KLHL2: variants seen among roughly 807,000 people sequenced by gnomAD.
KLHL2 encodes the protein kelch-like protein 2.
Under a neutral mutation model 75.8 loss-of-function variants are expected in KLHL2, and 15 were observed. The ratio of observed to expected loss-of-function variants is 0.20; its 90% CI spans 0.13 to 0.30. The LOEUF (loss-of-function observed/expected upper bound fraction) is 0.30, where lower values mean the gene tolerates loss of function less well. KLHL2 is among the 10% of genes least tolerant of loss of function. The pLI is 1.00. For synonymous variants in KLHL2, 214 were observed against 251.9 expected (o/e 0.85, Z 1.42); for missense variants, 381 against 741.0 (o/e 0.51, Z 5.64).
At chr4:165,275,895 C>T (rs1475521057) in intron 5 of KLHL2, among the ~76,000 whole-genome samples, 1 of 151,834 alleles carries the variant, frequency 6.6e-6, no homozygotes, top group Non-Finnish European at 1.5e-5. Flanking sequence ...CTGAGATGGG[C>T]AGATTGCTTG....
chr4:165,282,557 T>C (rs922800531), intron 5 of KLHL2, among the ~76,000 whole-genome samples: 7 of 152,142 alleles, frequency 4.6e-5, no homozygotes, highest in African/African-American at 7.2e-5. Flanking sequence ...GAAAGACTGA[T>C]GCACTAGAGC....
At chr4:165,299,114 CTTA>C (rs985291167) in intron 7 of KLHL2, among the ~76,000 whole-genome samples, 1 of 152,070 alleles carries the variant, frequency 6.6e-6, no homozygotes, top group African/African-American at 2.4e-5. Flanking sequence ...GTATCATTAA[CTTA>C]TTAGTATTGT....
chr4:165,238,419 A>G (rs548265404), intron 3 of KLHL2, among the ~76,000 whole-genome samples: 10 of 152,256 alleles, frequency 6.6e-5, no homozygotes, highest in Admixed American at 6.5e-4. Flanking sequence ...AGGCAGTAAC[A>G]TCGTTACTCT....
chr4:165,229,650 A>G (rs1396822963), intron 3 of KLHL2, among the ~76,000 whole-genome samples: 1 of 152,362 alleles, frequency 6.6e-6, no homozygotes, highest in Admixed American at 6.5e-5. Context: ...CAAGGCATAC[A>G]AAAACAATGT....
chr4:165,252,528 A>G (rs903505252), intron 4 of KLHL2: 18 of 152,226 alleles, frequency 1.2e-4, no homozygotes, highest in African/African-American at 3.9e-4. Flanking sequence ...AATCTGGCTT[A>G]AGTGTATTAT....
intron 10 of KLHL2, 143 bp downstream of exon 10, chr4:165,310,893 C>A (rs532958936): frequency 3.1e-6 from 2 of 647,848 alleles, no homozygotes; most frequent in East Asian, 2.8e-5. Flanking sequence ...CTTGCTCCGT[C>A]GCCCAGGCTG....
intron 5 of KLHL2, among the ~76,000 whole-genome samples, chr4:165,268,117 C>T (rs1742386560): frequency 6.6e-6 from 1 of 152,092 alleles, no homozygotes; most frequent in Admixed American, 6.6e-5. Flanking sequence ...TTATAGTATT[C>T]TCTCATGGTA....
rs557893116 is a variant in KLHL2 at position 165,241,680 on chromosome 4, G to A, written c.381+2781G>A. 5.9e-5 allele frequency among the ~76,000 whole-genome samples: 9 copies of A among 152,306 alleles called. No individual in the cohort carries two copies. The South Asian group carries it at 8.3e-4, about 14-fold the overall frequency. On this transcript the variant is annotated intron_variant, in intron 4 of 14. Coordinates refer to ENST00000226725, the MANE Select transcript of KLHL2 (RefSeq NM_007246.4). ...TGTTTTGATGCAGAATCATTGTGCC[G>A]TAGAATGCTGAGGTCCAGCCATCTG...
At chr4:165,261,697 C>A (rs930278690) in intron 4 of KLHL2, among the ~76,000 whole-genome samples, 1 of 152,158 alleles carries the variant, frequency 6.6e-6, no homozygotes, top group African/African-American at 2.4e-5. Flanking sequence ...TCTATTTTTT[C>A]TTGAGCCTTT....
Position 165,311,803 on chromosome 4 carries a change from TTC to T in KLHL2, c.1339+244_1339+245del, listed in dbSNP as rs538062188. On this transcript the variant is annotated intron_variant, in intron 11 of 14. Coordinates refer to ENST00000226725, the MANE Select transcript of KLHL2 (RefSeq NM_007246.4). Reference sequence around the variant, plus strand: ...TCCCCCTCCCTTTATCCCTCCTCCTTTCTCTCTGTGTGTGTGTGTGTGTGTGT... The same window carrying T: ...TCCCCCTCCCTTTATCCCTCCTCCTTTCTCTGTGTGTGTGTGTGTGTGTGT... Among the ~76,000 whole-genome samples, 972 of 109,954 alleles carry T rather than the reference TTC, an allele frequency of 8.8e-3. 1 individual carries two copies. The highest frequency in any genetic ancestry group is 0.015 in the African/African-American group (373 of 24,704). 72.1% of individuals were successfully genotyped at this position (109,954 alleles called of 152,430 possible).
At chr4:165,279,183 G>A (rs757478619) in intron 5 of KLHL2, 13 of 1,582,550 alleles carry the variant, frequency 8.2e-6, no homozygotes, top group South Asian at 3.3e-5. Context: ...AGGAGCCAGC[G>A]AAGTTTCACT....
chr4:165,215,312 A>G (rs1010855651), intron 1 of KLHL2, among the ~76,000 whole-genome samples: 1 of 151,374 alleles, frequency 6.6e-6, no homozygotes, highest in Non-Finnish European at 1.5e-5. Flanking sequence ...GTAGAATGAC[A>G]TAACAAATTT....
intron 4 of KLHL2, among the ~76,000 whole-genome samples, chr4:165,254,587 C>T (rs1435682294): frequency 6.6e-6 from 1 of 152,146 alleles, no homozygotes; most frequent in African/African-American, 2.4e-5. Context: ...CAAAGATATG[C>T]TAAGGGCCAA....
At chr4:165,265,378 T>A (rs1241725706) in intron 5 of KLHL2, among the ~76,000 whole-genome samples, 2 of 152,186 alleles carry the variant, frequency 1.3e-5, no homozygotes, top group East Asian at 3.8e-4. Context: ...TTTTTTTTGT[T>A]TAATTAGGTC....
intron 1 of KLHL2, among the ~76,000 whole-genome samples, chr4:165,211,315 T>C (rs372500400): frequency 1.4e-4 from 21 of 152,330 alleles, no homozygotes; most frequent in Middle Eastern, 3.4e-3. Flanking sequence ...TCCTCAAATA[T>C]AAGGAAGAAT....
At chr4:165,317,371 T>C (rs534181242) in intron 13 of KLHL2, among the ~76,000 whole-genome samples, 1 of 152,092 alleles carries the variant, frequency 6.6e-6, no homozygotes, top group African/African-American at 2.4e-5. Flanking sequence ...AATTCTTTTT[T>C]TTTTTTTTGG....
Position 165,319,066 on chromosome 4 carries a change from C to T in KLHL2, c.1753+1097C>T, listed in dbSNP as rs1746784368. On this transcript the variant is annotated intron_variant, in intron 14 of 14. Transcript: ENST00000226725. This position sits in a 1 kb window ranked among gnomAD's most constrained non-coding sequence, Gnocchi z 4.5. The stretch of plus-strand genomic sequence containing the variant: ...GAAATGTGAACAAACCACAAAGATA[C>T]AATATTAAATCATAACTGCATGAAA... Among the ~76,000 whole-genome samples, 1 of 152,056 alleles carries T rather than the reference C, an allele frequency of 6.6e-6. No individual in the cohort carries two copies. Among genetic ancestry groups the T allele is most frequent in the South Asian group, 2.1e-4 (1 of 4,820 alleles).
At chr4:165,209,774 TTCTG>T (rs573002610) in intron 1 of KLHL2, 25 of 187,436 alleles carry the variant, frequency 1.3e-4, no homozygotes, top group Middle Eastern at 2.1e-3. Flanking sequence ...TTTTCATTGT[TTCTG>T]TCTATTTAAT....
chr4:165,294,306 C>A, intron 5 of KLHL2, 53 bp from the exon 6 acceptor site: 1 of 1,046,332 alleles, frequency 9.6e-7, no homozygotes, highest in Non-Finnish European at 1.5e-6. Flanking sequence ...CAGTTTGAAA[C>A]TATGATAATG....
Sources: allele counts gnomAD v4.1 joint callset (sites outside exome capture counted in the v4.1 genomes callset), GRCh38; gene constraint gnomAD v4.1.1; non-coding constraint Gnocchi (gnomAD v3.1); transcripts MANE v1.5; gene names NCBI Gene and HGNC (gene_info 2026-07-23, HGNC 2026-07-21).